The following ANKFN1 variants were observed in gnomAD, a reference collection of about 807,000 sequenced individuals.
The protein encoded by ANKFN1 is ankyrin repeat and fibronectin type-III domain-containing protein 1.
In ANKFN1, 74 loss-of-function variants were observed where a neutral mutation model predicts 108.7. That is an observed-to-expected ratio of 0.68 (90% CI 0.56 to 0.83). The LOEUF (loss-of-function observed/expected upper bound fraction) is 0.83. Among genes scored for constraint, ANKFN1 ranks in the 40% least tolerant of loss-of-function variants. The probability of loss-of-function intolerance (pLI) is 0.00; values close to 1 mark genes in which losing one functional copy is unlikely to be tolerated. For synonymous variants in ANKFN1, 547 were observed against 516.2 expected, an observed-to-expected ratio of 1.06 and a Z score of -0.81; for missense variants, 1,505 against 1,382.3, an observed-to-expected ratio of 1.09 and a Z score of -1.41.
intron 3 of ANKFN1, among the ~76,000 whole-genome samples, chr17:56,247,478 T>C (rs950713477): frequency 1.3e-5 from 2 of 151,916 alleles, no homozygotes; most frequent in African/African-American, 4.8e-5. Flanking sequence ...TACTTCAGAG[T>C]GATGCAAGTA....
intron 3 of ANKFN1, among the ~76,000 whole-genome samples, chr17:56,241,008 T>C (rs139110671): frequency 6.6e-5 from 10 of 152,274 alleles, no homozygotes; most frequent in African/African-American, 2.4e-4. Flanking sequence ...TATAGAGACA[T>C]TGACATTCTA....
At chr17:56,509,692 A>ACAT (rs2051682047) in intron 20 of ANKFN1, among the ~76,000 whole-genome samples, 1 of 152,210 alleles carries the variant, frequency 6.6e-6, no homozygotes, top group South Asian at 2.1e-4. Context: ...GGCAAAACTG[A>ACAT]CATCTTGCCC....
At chr17:56,438,827 G>A (rs1485112118) in intron 8 of ANKFN1, among the ~76,000 whole-genome samples, 1 of 152,070 alleles carries the variant, frequency 6.6e-6, no homozygotes, top group Non-Finnish European at 1.5e-5. Flanking sequence ...CATAAAAAGT[G>A]GATAAAGTCA....
At chr17:56,225,940 T>C (rs984437543) in intron 2 of ANKFN1, among the ~76,000 whole-genome samples, 1 of 152,244 alleles carries the variant, frequency 6.6e-6, no homozygotes, top group Admixed American at 6.5e-5. Context: ...AATAGACAGA[T>C]AATTTTCTTT....
chr17:56,497,747 T>G (rs749778006), intron 19 of ANKFN1, among the ~76,000 whole-genome samples: 9 of 152,102 alleles, frequency 5.9e-5, no homozygotes, highest in Non-Finnish European at 2.9e-5. Context: ...AATCCTAAAG[T>G]TTCAGAGCTG....
chr17:56,113,855 GAGAT>G (rs10596506), intron 4 of ANKFN1, among the ~76,000 whole-genome samples: 113,005 of 151,554 alleles, frequency 0.75, 43,338 homozygotes, highest in East Asian at 0.94. Flanking sequence ...ATGATTAGGA[GAGAT>G]AGATGTTAGA....
At chr17:56,088,633 C>G (rs890832960) in intron 4 of ANKFN1, among the ~76,000 whole-genome samples, 1 of 151,128 alleles carries the variant, frequency 6.6e-6, no homozygotes, top group Non-Finnish European at 1.5e-5. Flanking sequence ...CCAGCTACCT[C>G]TGGGGCATGA....
intron 3 of ANKFN1, among the ~76,000 whole-genome samples, chr17:56,315,551 G>A (rs2045178814): frequency 6.6e-6 from 1 of 152,218 alleles, no homozygotes; most frequent in African/African-American, 2.4e-5. Context: ...AAATAGTGAA[G>A]GAAGTGAATA....
intron 4 of ANKFN1, among the ~76,000 whole-genome samples, chr17:56,327,561 C>G (rs2045556067): frequency 6.6e-6 from 1 of 152,148 alleles, no homozygotes; most frequent in South Asian, 2.1e-4. Context: ...GCCACTCAAT[C>G]ACAAGAGCCA....
At chr17:56,424,746 C>A (rs1441072469) in intron 8 of ANKFN1, among the ~76,000 whole-genome samples, 3 of 152,170 alleles carry the variant, frequency 2.0e-5, no homozygotes, top group Non-Finnish European at 4.4e-5. Flanking sequence ...AAAGGGGAAA[C>A]TTTTCTTGGG....
At chr17:56,232,521 A>G (rs1484870068) in intron 3 of ANKFN1, among the ~76,000 whole-genome samples, 2 of 152,156 alleles carry the variant, frequency 1.3e-5, no homozygotes, top group Non-Finnish European at 2.9e-5. Context: ...TATCCATGCA[A>G]CACGTAGTAA....
chr17:56,199,132 G>A (rs968184347), intron 1 of ANKFN1, among the ~76,000 whole-genome samples: 5 of 151,442 alleles, frequency 3.3e-5, no homozygotes, highest in East Asian at 3.9e-4. Flanking sequence ...CTGCTTTTAC[G>A]TCTCTGCTAA....
At chr17:56,410,316 C>T (rs983952763) in intron 8 of ANKFN1, among the ~76,000 whole-genome samples, 11 of 152,048 alleles carry the variant, frequency 7.2e-5, no homozygotes, top group Middle Eastern at 3.2e-3. Context: ...AGGATGGTCT[C>T]GATCACTTGA....
At chr17:56,449,292 G>T in intron 11 of ANKFN1, 106 bp downstream of exon 11, 1 of 741,762 alleles carries the variant, frequency 1.3e-6, no homozygotes, top group South Asian at 1.9e-5. Flanking sequence ...CAGGGAGAGA[G>T]ATATTAATAT....
At chr17:56,459,325 G>T (rs2049825465) in intron 14 of ANKFN1, among the ~76,000 whole-genome samples, 1 of 152,060 alleles carries the variant, frequency 6.6e-6, no homozygotes, top group South Asian at 2.1e-4. Flanking sequence ...AGGCCAGGCT[G>T]GTCTCGAACT....
chr17:56,346,019 T>G (rs1395518722), intron 4 of ANKFN1, among the ~76,000 whole-genome samples: 1 of 152,188 alleles, frequency 6.6e-6, no homozygotes, highest in Non-Finnish European at 1.5e-5. Flanking sequence ...TTTATGGTTT[T>G]GGGTTTCACA....
At chr17:56,272,645 T>G (rs8076439) in intron 3 of ANKFN1, among the ~76,000 whole-genome samples, 17,625 of 152,214 alleles carry the variant, frequency 0.12, 1,613 homozygotes, top group African/African-American at 0.26. Context: ...GATGGGTTGC[T>G]ATGAGACCAT....
chr17:56,063,862 T>C lies in ANKFN1; in HGVS notation c.288+17537T>C, dbSNP rs566985335. 9.2e-5 allele frequency among the ~76,000 whole-genome samples: 14 copies of C among 152,262 alleles called. 1 individual carries two copies. The South Asian group carries it at 2.9e-3, about 32-fold the overall frequency. The stretch of plus-strand genomic sequence containing the variant: ...TTTTGAGTTTTCAGCATTTTTTTCT[T>C]ATCTTCATGAGTTTGTTTAGTTTCG... On this transcript the variant is annotated intron_variant, in intron 4 of 12. Coordinates refer to the ANKFN1 transcript ENST00000635860.
At chr17:56,269,731 A>G (rs919280967) in intron 3 of ANKFN1, among the ~76,000 whole-genome samples, 9 of 152,364 alleles carry the variant, frequency 5.9e-5, no homozygotes, top group African/African-American at 1.9e-4. Flanking sequence ...AGTGTCTGCA[A>G]GGAAAATGCA....
Sources: gnomAD v4.1 joint callset for allele counts (sites outside exome capture counted in the v4.1 genomes callset) on GRCh38, gnomAD v4.1.1 for gene constraint, MANE v1.5 for transcripts, NCBI Gene and HGNC (gene_info 2026-07-23, HGNC 2026-07-21) for gene names.